DDX27: variants seen among roughly 807,000 people sequenced by gnomAD.
DDX27 encodes probable ATP-dependent RNA helicase DDX27.
A neutral mutation model predicts 99.3 loss-of-function variants in DDX27; 42 were observed. The ratio of observed to expected loss-of-function variants is 0.42; its 90% CI spans 0.33 to 0.55. The LOEUF (loss-of-function observed/expected upper bound fraction) is 0.55. Among genes scored for constraint, DDX27 ranks in the 20% least tolerant of loss-of-function variants. DDX27 has a pLI of 0.07. For synonymous variants in DDX27, 329 were observed against 353.8 expected (o/e 0.93, Z 0.79); for missense variants, 798 against 976.8 (o/e 0.82, Z 2.44).
Position 49,239,020 on chromosome 20 carries a change from G to A in DDX27, c.1759G>A (p.Ala587Thr), listed in dbSNP as rs764085157. Residue 587 changes from alanine (A) to threonine (T), a missense_variant, in exon 15 of 21, where the codon GCG becomes ACG. By Grantham distance (58) the Ala-to-Thr change is moderately conservative. Around this residue, in one of 2 missense-constraint regions of DDX27, gnomAD observed 553 missense variants for 727.9 expected, o/e 0.76. Coordinates refer to ENST00000618172, the MANE Select transcript of DDX27 (RefSeq NM_017895.8). ...TGTGTATGCAGTTCTGCAGCTAGAG[G>A]CGGAGGAAAAAGAGATGCAGCAGTC... ...KDVYAVLQLE[A>T]EEKEMQQSEA... The A allele has an allele frequency of 6.2e-7, 1 of 1,614,022 alleles. No homozygotes were observed. The highest frequency in any genetic ancestry group is 1.3e-5 in the African/African-American group (1 of 74,904).
Position 49,228,853 on chromosome 20 carries a change from C to A in DDX27, c.845C>A (p.Ala282Asp). ...IQVHSVTRQL[A>D]QFCNITTCLA... ...GTGCACTCTGTCACCAGACAGCTGG[C>A]CCAGTTCTGCAACATCACCACCTGC... Residue 282 changes from alanine (A) to aspartate (D), a missense_variant, in exon 8 of 21, where the codon GCC (alanine) becomes GAC (aspartate). Physicochemically the swap from Ala to Asp is moderately radical, Grantham distance 126. This residue lies in a region of DDX27 where 553 missense variants were observed against 727.9 expected (regional missense o/e 0.76). Coordinates refer to ENST00000618172, the MANE Select transcript of DDX27 (RefSeq NM_017895.8). 6.2e-7 allele frequency: 1 copy of A among 1,607,276 alleles called. No individual in the cohort carries two copies. The highest frequency in any genetic ancestry group is 2.2e-5 in the East Asian group (1 of 44,502).
chr20:49,234,982 A>G lies in DDX27; in HGVS notation c.1321A>G (p.Thr441Ala), dbSNP rs1460752805. 6.2e-7 allele frequency: 1 copy of G among 1,612,930 alleles called. No individual in the cohort carries two copies. The highest frequency in any genetic ancestry group is 1.3e-5 in the African/African-American group (1 of 74,836). ...FTDHVMLFTQ[T>A]KKQAHRMHIL... Reference sequence around the variant, plus strand: ...TGACCATGTGATGCTGTTCACGCAAACCAAGAAGCAGGCCCACCGCATGCA... The same window carrying G: ...TGACCATGTGATGCTGTTCACGCAAGCCAAGAAGCAGGCCCACCGCATGCA... Residue 441 changes from threonine to alanine, a missense_variant, in exon 12 of 21, where the codon ACC (threonine) becomes GCC (alanine). Thr to Ala is a moderately conservative substitution (Grantham distance 58, BLOSUM62 0). Coordinates refer to ENST00000618172, the MANE Select transcript of DDX27 (RefSeq NM_017895.8).
chr20:49,221,337 C>T, intron 1 of DDX27, 115 bp from the exon 2 acceptor site: 2 of 1,230,156 alleles, frequency 1.6e-6, no homozygotes, highest in Non-Finnish European at 2.3e-6. Flanking sequence ...GTCTGCGTGC[C>T]TTCGCCTCCT....
chr20:49,228,325 A>G (rs1434724692), intron 7 of DDX27, among the ~76,000 whole-genome samples: 2 of 152,048 alleles, frequency 1.3e-5, no homozygotes, highest in African/African-American at 4.8e-5. Context: ...TAGTAGAGAC[A>G]GGATTTCACC....
intron 4 of DDX27, 156 bp from the exon 5 acceptor site, chr20:49,224,789 C>A: frequency 1.4e-6 from 1 of 739,190 alleles, no homozygotes; most frequent in East Asian, 2.6e-5. Context: ...GTTACTTCAC[C>A]ATGCTGCCAC....
intron 9 of DDX27, among the ~76,000 whole-genome samples, chr20:49,232,087 A>C (rs949943552): frequency 6.6e-6 from 1 of 151,896 alleles, no homozygotes; most frequent in Admixed American, 6.6e-5. Flanking sequence ...GGGTCTCGCT[A>C]TGTTGTCAAG....
chr20:49,230,326 G>A lies in DDX27; in HGVS notation c.1008G>A (p.Val336=). 6.2e-7 allele frequency: 1 copy of A among 1,609,774 alleles called. No homozygotes were observed. Reference sequence around the variant, plus strand: ...CCTTCCACCTGAGCAGCATCGAGGTGCTCATCCTGGACGAGGCTGACAGGT... The same window carrying A: ...CCTTCCACCTGAGCAGCATCGAGGTACTCATCCTGGACGAGGCTGACAGGT... ...CPSFHLSSIE[V]LILDEADRML... is the part of the protein sequence containing the mutation. The change falls in exon 9 of 21, where the codon GTG becomes GTA. Residue 336 remains valine, a synonymous_variant. Transcript: ENST00000618172.
chr20:49,237,210 G>C (rs973914753), intron 14 of DDX27, among the ~76,000 whole-genome samples: 2 of 152,050 alleles, frequency 1.3e-5, no homozygotes, highest in Admixed American at 6.6e-5. Context: ...TGTGCCTGTA[G>C]TCCCAGCTAT....
rs1980496038 is a variant in DDX27 at position 49,242,086 on chromosome 20, G to C, written c.1996G>C (p.Glu666Gln). Residue 666 changes from glutamate to glutamine, a missense_variant, in exon 18 of 21, where the codon GAG becomes CAG. This residue lies in a region of DDX27 where 553 missense variants were observed against 727.9 expected (regional missense o/e 0.76). Coordinates refer to ENST00000618172, the MANE Select transcript of DDX27 (RefSeq NM_017895.8). ...DAKKKGEMTA[E>Q]ERSQFEILKA... is the part of the protein sequence containing the mutation. The stretch of plus-strand genomic sequence containing the variant: ...CACACCTCCCCACTCCCCCTAGGCA[G>C]AGGAAAGGTCTCAGTTTGAAATCCT... The C allele has an allele frequency of 6.2e-7, 1 of 1,614,140 alleles. No homozygotes were observed. Among genetic ancestry groups the C allele is most frequent in the Non-Finnish European group, 8.5e-7 (1 of 1,180,050 alleles).
intron 7 of DDX27, among the ~76,000 whole-genome samples, chr20:49,227,507 C>T (rs1372479646): frequency 6.6e-6 from 1 of 151,976 alleles, no homozygotes; most frequent in Non-Finnish European, 1.5e-5. Context: ...GCTGGGTTTA[C>T]AGGTGCCCGC....
Position 49,242,124 on chromosome 20 carries a change from G to A in DDX27, c.2034G>A (p.Met678Ile), listed in dbSNP as rs1600978147. 2 of 1,614,246 alleles carry A rather than the reference G, an allele frequency of 1.2e-6. No homozygotes were observed. Among genetic ancestry groups the A allele is most frequent in the Non-Finnish European group, 1.7e-6 (2 of 1,180,050 alleles). The change falls in exon 18 of 21, where the codon ATG becomes ATA. Residue 678 changes from methionine to isoleucine, a missense_variant. Physicochemically the swap from Met to Ile is conservative, Grantham distance 10. Around this residue, in one of 2 missense-constraint regions of DDX27, gnomAD observed 553 missense variants for 727.9 expected, o/e 0.76. Transcript: ENST00000618172. ...AGTTTGAAATCCTCAAGGCGCAGAT[G>A]TTTGCTGAACGGCTAGCGAAGAGGA... Reference protein sequence around the residue: ...RSQFEILKAQMFAERLAKRNR... With the variant: ...RSQFEILKAQIFAERLAKRNR...
At chr20:49,230,421 C>T in intron 9 of DDX27, 72 bp downstream of exon 9, 1 of 1,520,462 alleles carries the variant, frequency 6.6e-7, no homozygotes, top group African/African-American at 1.4e-5. Flanking sequence ...GGACCTGCCA[C>T]ACTGCGTTAT....
chr20:49,234,736 G>A, intron 11 of DDX27, 199 bp from the exon 12 acceptor site: 2 of 536,458 alleles, frequency 3.7e-6, no homozygotes, highest in South Asian at 3.3e-5. Flanking sequence ...CCTCGTCCCT[G>A]CACTCTCTCT....
chr20:49,219,452 C>T lies in DDX27; in HGVS notation c.4C>T (p.Leu2Phe), dbSNP rs760084559. Reference sequence around the variant, plus strand: ...CGGAAGTGGCTTCTGCGACAACATGCTTGCGGACCTCGGCTTAATCGGAAC... The same window carrying T: ...CGGAAGTGGCTTCTGCGACAACATGTTTGCGGACCTCGGCTTAATCGGAAC... Reference protein sequence around the residue: MLADLGLIGTIG... With the variant: MFADLGLIGTIG... The change falls in exon 1 of 21, where the codon CTT becomes TTT. Residue 2 changes from leucine (L) to phenylalanine (F), a missense_variant. Around this residue, in one of 2 missense-constraint regions of DDX27, gnomAD observed 245 missense variants for 248.8 expected, o/e 0.98. Coordinates refer to ENST00000618172, the MANE Select transcript of DDX27 (RefSeq NM_017895.8). The T allele has an allele frequency of 3.1e-6, 5 of 1,614,028 alleles. No homozygotes were observed. In the East Asian group the frequency reaches 1.1e-4, roughly 36 times the overall value.
chr20:49,242,714 A>ATTATTAT, intron 19 of DDX27, 33 bp downstream of exon 19: 1 of 1,360,764 alleles, frequency 7.3e-7, no homozygotes, highest in South Asian at 1.3e-5. Context: ...AGCCCTTGGT[A>ATTATTAT]TTCTTTTTTT....
At chr20:49,221,404 C>T (rs1294088888) in intron 1 of DDX27, 48 bp from the exon 2 acceptor site, 1 of 1,609,528 alleles carries the variant, frequency 6.2e-7, no homozygotes, top group East Asian at 2.2e-5. Flanking sequence ...TGCTTTCTAT[C>T]ATTCTTTATC....
At chr20:49,227,680 T>G (rs534393939) in intron 7 of DDX27, among the ~76,000 whole-genome samples, 34 of 152,052 alleles carry the variant, frequency 2.2e-4, no homozygotes, top group Non-Finnish European at 4.1e-4. Context: ...ACTGAAGGAT[T>G]AATTTTGTAA....
rs562784641 is a variant in DDX27, at chr20:49,223,387, G to A, written c.420G>A (p.Ser140=). 4.6e-5 allele frequency: 74 copies of A among 1,613,660 alleles called. No homozygotes were observed. The highest frequency in any genetic ancestry group is 3.6e-4 in the East Asian group (16 of 44,878). Residue 140 remains serine, a synonymous_variant, in exon 4 of 21, where the codon TCG becomes TCA. Coordinates refer to ENST00000618172, the MANE Select transcript of DDX27 (RefSeq NM_017895.8). Reference sequence around the variant, plus strand: ...AGGAAGGCTCAGAAGATGAAGCCTCGGAGACTGACTACTCATCAGCTGATG... The same window carrying A: ...AGGAAGGCTCAGAAGATGAAGCCTCAGAGACTGACTACTCATCAGCTGATG... The part of the protein sequence containing the change: ...NDEEGSEDEA[S]ETDYSSADEN...
In DDX27 at chr20:49,234,979, C is replaced by A; in HGVS notation, c.1318C>A (p.Gln440Lys). Residue 440 changes from glutamine (Q) to lysine (K), a missense_variant, in exon 12 of 21, where the codon CAA becomes AAA. Gln to Lys is a moderately conservative substitution (Grantham distance 53, BLOSUM62 1). This residue lies in a region of DDX27 where 553 missense variants were observed against 727.9 expected (regional missense o/e 0.76). Coordinates refer to ENST00000618172, the MANE Select transcript of DDX27 (RefSeq NM_017895.8). ...CACTGACCATGTGATGCTGTTCACG[C>A]AAACCAAGAAGCAGGCCCACCGCAT... Reference protein sequence around the residue: ...TFTDHVMLFTQTKKQAHRMHI... With the variant: ...TFTDHVMLFTKTKKQAHRMHI... 6.2e-7 allele frequency: 1 copy of A among 1,613,126 alleles called. No individual in the cohort carries two copies. The highest frequency in any genetic ancestry group is 1.1e-5 in the South Asian group (1 of 90,946).
Sources: allele counts gnomAD v4.1 joint callset (sites outside exome capture counted in the v4.1 genomes callset), GRCh38; gene constraint gnomAD v4.1.1; regional missense constraint gnomAD v4.1.1; transcripts MANE v1.5; gene names NCBI Gene and HGNC (gene_info 2026-07-23, HGNC 2026-07-21).